The following MIPEP variants were observed in gnomAD, a reference collection of about 807,000 sequenced individuals.
MIPEP encodes the protein mitochondrial intermediate peptidase.
In MIPEP, 79 loss-of-function variants were observed where a neutral mutation model predicts 90.3. The ratio of observed to expected loss-of-function variants is 0.87; its 90% CI spans 0.73 to 1.05. MIPEP has a LOEUF of 1.05. Ranked by LOEUF, MIPEP falls within the 50% of genes least tolerant of loss-of-function variation. The pLI, the probability that MIPEP is intolerant of heterozygous loss-of-function variation, is 0.00. For missense variants in MIPEP, 940 were observed against 905.6 expected (o/e 1.04, Z -0.49); for synonymous variants, 334 against 315.8 (o/e 1.06, Z -0.61).
intron 14 of MIPEP, 47 bp downstream of exon 14, chr13:23,836,193 C>T (rs759165886): frequency 3.2e-6 from 4 of 1,252,088 alleles, no homozygotes; most frequent in African/African-American, 1.5e-5. Flanking sequence ...TCATAAACGC[C>T]AACTATCACA....
At chr13:23,856,300 C>A (rs940180842) in intron 10 of MIPEP, among the ~76,000 whole-genome samples, 7 of 152,162 alleles carry the variant, frequency 4.6e-5, no homozygotes, top group Non-Finnish European at 7.3e-5. Flanking sequence ...AGAGGTTCTG[C>A]CTTTGAGACA....
rs564968413 is a variant in MIPEP, at chr13:23,732,929, A to G, written c.2045-2484T>C. Among the ~76,000 whole-genome samples, 26 of 152,370 alleles carry G rather than the reference A, an allele frequency of 1.7e-4. 1 individual carries two copies. Among genetic ancestry groups the G allele is most frequent in the African/African-American group, 5.5e-4 (23 of 41,580 alleles). On this transcript the variant is annotated intron_variant, in intron 18 of 18. Transcript: ENST00000382172. The stretch of plus-strand genomic sequence containing the variant: ...CTGTATGAAAAGTTTACCTAAATAC[A>G]GTAAGCAACTATTGAACTCTAATGC...
chr13:23,848,399 G>A (rs1869640113), intron 10 of MIPEP, among the ~76,000 whole-genome samples: 2 of 152,188 alleles, frequency 1.3e-5, no homozygotes, highest in Non-Finnish European at 2.9e-5. Context: ...GTGTCAAGAA[G>A]CTGTGTAGAT....
At chr13:23,766,583 T>A (rs566477925) in intron 16 of MIPEP, among the ~76,000 whole-genome samples, 6 of 152,374 alleles carry the variant, frequency 3.9e-5, no homozygotes, top group South Asian at 4.1e-4. Context: ...TCTCTCTCTC[T>A]CTCACTCACT....
intron 18 of MIPEP, among the ~76,000 whole-genome samples, chr13:23,742,973 TACC>T (rs1479565538): frequency 6.6e-6 from 1 of 152,198 alleles, no homozygotes; most frequent in Non-Finnish European, 1.5e-5. Flanking sequence ...ATGTATATTT[TACC>T]ACAATTTTAA....
intron 14 of MIPEP, among the ~76,000 whole-genome samples, chr13:23,822,008 C>T (rs1953311597): frequency 6.6e-6 from 1 of 152,064 alleles, no homozygotes; most frequent in African/African-American, 2.4e-5. Context: ...GCAGATAAAG[C>T]AATAAAGGAA....
rs987528411 is a variant in MIPEP at position 23,856,900 on chromosome 13, C to G, written c.1106+1960G>C. 9.9e-5 allele frequency among the ~76,000 whole-genome samples: 15 copies of G among 151,614 alleles called. No individual in the cohort carries two copies. The South Asian group carries it at 2.5e-3, about 25-fold the overall frequency. On this transcript the variant is annotated intron_variant, in intron 10 of 18. Coordinates refer to ENST00000382172, the MANE Select transcript of MIPEP (RefSeq NM_005932.4). ...CGGGGACATGATATGAAAGGAATAC[C>G]TGATAAAAATGAGAGTAGCAAAAAT... is the stretch of plus-strand genomic sequence containing the variant.
rs139327246 is a variant in MIPEP, at chr13:23,887,377, C to T, written c.190-871G>A. On this transcript the variant is annotated intron_variant, in intron 1 of 18. Transcript: ENST00000382172. ...TTTACATAGGTTCTCATTTAAATCA[C>T]ACAATCCTACAGAACAGAGTATCAT... 2.0e-4 allele frequency among the ~76,000 whole-genome samples: 30 copies of T among 152,314 alleles called. No individual in the cohort carries two copies. The East Asian group carries it at 5.6e-3, about 28-fold the overall frequency.
At chr13:23,815,984 G>A (rs904995159) in intron 14 of MIPEP, among the ~76,000 whole-genome samples, 5 of 152,164 alleles carry the variant, frequency 3.3e-5, no homozygotes, top group African/African-American at 9.7e-5. Flanking sequence ...TATAAGTCTA[G>A]ATAGTTCAGA....
chr13:23,737,847 C>A (rs1158105609), intron 18 of MIPEP, among the ~76,000 whole-genome samples: 1 of 152,156 alleles, frequency 6.6e-6, no homozygotes, highest in Non-Finnish European at 1.5e-5. Flanking sequence ...CATTTAATTT[C>A]ATAAATACAG....
At position 23,814,288 on chromosome 13, in the gene MIPEP, G is replaced by A. The variant is rs574566245; in HGVS notation, c.1654-4364C>T. 8.6e-5 allele frequency among the ~76,000 whole-genome samples: 13 copies of A among 151,578 alleles called. No homozygotes were observed. The South Asian group carries it at 1.9e-3, about 22-fold the overall frequency. Reference sequence around the variant, plus strand: ...ATTTTTTTTTTTGAGACGGAGTCTCGCTCTGTTGCCCAGGCTGGAGTGCAG... The same window carrying A: ...ATTTTTTTTTTTGAGACGGAGTCTCACTCTGTTGCCCAGGCTGGAGTGCAG... On this transcript the variant is annotated intron_variant, in intron 14 of 18. Transcript: ENST00000382172.
At chr13:23,872,025 T>A (rs1458932805) in intron 5 of MIPEP, among the ~76,000 whole-genome samples, 1 of 152,246 alleles carries the variant, frequency 6.6e-6, no homozygotes, top group Non-Finnish European at 1.5e-5. Flanking sequence ...GCCAGGCATA[T>A]CACTTCATCA....
intron 18 of MIPEP, among the ~76,000 whole-genome samples, chr13:23,735,411 G>A (rs1952251770): frequency 2.6e-5 from 4 of 152,100 alleles, no homozygotes; most frequent in African/African-American, 7.2e-5. Context: ...ATGACTGGTC[G>A]TTTATAACTA....
intron 18 of MIPEP, among the ~76,000 whole-genome samples, chr13:23,735,522 CAAACTGCCAATAT>C (rs1314643515): frequency 6.6e-6 from 1 of 152,114 alleles, no homozygotes; most frequent in Non-Finnish European, 1.5e-5. Flanking sequence ...TTCAACTCAA[CAAACTGCCAATAT>C]AAATATGACC....
chr13:23,835,210 G>A (rs917047463), intron 14 of MIPEP, among the ~76,000 whole-genome samples: 49 of 151,764 alleles, frequency 3.2e-4, no homozygotes, highest in African/African-American at 1.2e-3. Context: ...TAGTAGACAC[G>A]GGGTTTCACA....
intron 16 of MIPEP, among the ~76,000 whole-genome samples, chr13:23,803,013 G>A (rs1051944279): frequency 6.6e-5 from 10 of 152,100 alleles, no homozygotes; most frequent in South Asian, 4.2e-4. Context: ...GGACTTGACC[G>A]CATCATAAGT....
chr13:23,874,956 T>A lies in MIPEP; in HGVS notation c.540-47A>T, dbSNP rs117852319. ...GGTTATAACAGGTAATAAAAATTGCTAACAAAAAAATTGTGGTTTTTTGTT... is the reference window on the plus strand; with the variant it reads ...GGTTATAACAGGTAATAAAAATTGCAAACAAAAAAATTGTGGTTTTTTGTT... On this transcript the variant is annotated intron_variant, in intron 4 of 18. Coordinates refer to ENST00000382172, the MANE Select transcript of MIPEP (RefSeq NM_005932.4). 4.9e-4 allele frequency: 757 copies of A among 1,531,804 alleles called. 7 individuals carry two copies. In the East Asian group the frequency reaches 0.016, roughly 32 times the overall value. 94.9% of individuals were successfully genotyped at this position (1,531,804 alleles called of 1,614,324 possible).
intron 14 of MIPEP, among the ~76,000 whole-genome samples, chr13:23,816,363 T>A (rs1392306030): frequency 6.6e-6 from 1 of 152,220 alleles, no homozygotes; most frequent in Non-Finnish European, 1.5e-5. Context: ...CCCTACTCCT[T>A]TCCCCACTCT....
chr13:23,835,024 C>CTTTTTT (rs57093490), intron 14 of MIPEP, among the ~76,000 whole-genome samples: 1 of 134,800 alleles, frequency 7.4e-6, no homozygotes, highest in Non-Finnish European at 1.5e-5. Flanking sequence ...ATCCATTATT[C>CTTTTTT]TTTTTTTTTT....
Sources: gnomAD v4.1 joint callset for allele counts (sites outside exome capture counted in the v4.1 genomes callset) on GRCh38, gnomAD v4.1.1 for gene constraint, MANE v1.5 for transcripts, NCBI Gene and HGNC (gene_info 2026-07-23, HGNC 2026-07-21) for gene names.